The following CYB561A3 variants were observed in gnomAD, a reference collection of about 807,000 sequenced individuals.
CYB561A3 encodes the protein lysosomal membrane ascorbate-dependent ferrireductase CYB561A3.
CYB561A3 carries 16 observed loss-of-function variants against 25.3 expected under a neutral mutation model. The observed-to-expected ratio is 0.63, with a 90% CI of 0.43 to 0.96. The LOEUF is 0.96. CYB561A3 is among the 40% of genes least tolerant of loss of function. The pLI is 0.00. For synonymous variants in CYB561A3, 131 were observed against 129.9 expected, an observed-to-expected ratio of 1.01 and a Z score of -0.06; for missense variants, 219 against 307.5, an observed-to-expected ratio of 0.71 and a Z score of 2.15.
intron 4 of CYB561A3, 183 bp downstream of exon 4, chr11:61,353,601 C>T (rs1857520766): frequency 1.3e-6 from 1 of 757,374 alleles, no homozygotes; most frequent in Non-Finnish European, 2.3e-6. Context: ...ATAAAAGGAA[C>T]AGGGTAAGTT....
rs201650207 is a variant in CYB561A3, at chr11:61,352,982, C to T, written c.548+3G>A. On this transcript the variant is annotated splice_donor_region_variant and intron_variant, in intron 5 of 6. Transcript: ENST00000294072. ...TTAGAGTTGGGGACCCCACTGCACTCACAAACTGAAGAAAAGCTTCTCATT... is the reference window on the plus strand; with the variant it reads ...TTAGAGTTGGGGACCCCACTGCACTTACAAACTGAAGAAAAGCTTCTCATT... 2.4e-5 allele frequency: 39 copies of T among 1,614,116 alleles called. No homozygotes were observed. The East Asian group carries it at 8.2e-4, about 34-fold the overall frequency.
chr11:61,353,759 G>C lies in CYB561A3; in HGVS notation c.393+25C>G, dbSNP rs370615613. 3 of 1,613,326 alleles carry C rather than the reference G, an allele frequency of 1.9e-6. No homozygotes were observed. In the East Asian group the frequency reaches 6.7e-5, roughly 36 times the overall value. ...CAGAGCTCATGGCTCTGGGAACCTC[G>C]AGGAGGAGAACAGAGAGAACCCACC... is the stretch of plus-strand genomic sequence containing the variant. On this transcript the variant is annotated intron_variant, in intron 4 of 6. Coordinates refer to ENST00000294072, the MANE Select transcript of CYB561A3 (RefSeq NM_153611.6).
chr11:61,353,408 A>G, intron 4 of CYB561A3: 1 of 609,298 alleles, frequency 1.6e-6, no homozygotes, highest in Non-Finnish European at 2.9e-6. Flanking sequence ...GTCCTTGCTC[A>G]TAAAACTCTT....
chr11:61,352,914 C>T (rs754045837), intron 5 of CYB561A3, 71 bp downstream of exon 5: 1 of 1,612,136 alleles, frequency 6.2e-7, no homozygotes, highest in East Asian at 2.2e-5. Flanking sequence ...GTCCTGTGAT[C>T]ACAGGGTGTA....
At chr11:61,359,522 T>C (rs1857767481) in intron 1 of CYB561A3, 1 of 152,072 alleles carries the variant, frequency 6.6e-6, no homozygotes, top group South Asian at 2.1e-4. Flanking sequence ...TTTTTTTTTC[T>C]TTGTAAGAGG....
intron 3 of CYB561A3, among the ~76,000 whole-genome samples, chr11:61,354,899 C>A (rs1271399888): frequency 7.3e-6 from 1 of 136,780 alleles, no homozygotes; most frequent in Non-Finnish European, 1.5e-5. Flanking sequence ...GACAGAGTCT[C>A]GTTCTATCAT....
chr11:61,358,099 T>C (rs1565071639), intron 1 of CYB561A3: 1 of 152,220 alleles, frequency 6.6e-6, no homozygotes, highest in South Asian at 2.1e-4. Context: ...AGAAAATGAA[T>C]GTAGCACACT....
rs1857352104 is a variant in CYB561A3, at chr11:61,350,554, C to T, written c.706-132G>A. 27 of 1,162,706 alleles carry T rather than the reference C, an allele frequency of 2.3e-5. No individual in the cohort carries two copies. The South Asian group carries it at 3.2e-4, about 14-fold the overall frequency. 72.0% of individuals were successfully genotyped at this position (1,162,706 alleles called of 1,614,324 possible). ...GCCACCAAATCCCTCAGGGAAGCCC[C>T]AAAGTCCCTGAGCCTGGTACACACC... is the stretch of plus-strand genomic sequence containing the variant. On this transcript the variant is annotated intron_variant, in intron 6 of 6. Coordinates refer to ENST00000294072, the MANE Select transcript of CYB561A3 (RefSeq NM_153611.6).
chr11:61,360,795 T>A (rs915178646), intron 1 of CYB561A3: 4 of 151,662 alleles, frequency 2.6e-5, no homozygotes, highest in Admixed American at 2.6e-4. Flanking sequence ...CTGACCAACA[T>A]GGAGAAACCC....
At chr11:61,357,018 C>A in intron 2 of CYB561A3, 1 of 1,468,922 alleles carries the variant, frequency 6.8e-7, no homozygotes. Context: ...AGGCCCAAGA[C>A]CCAGAGTCCT....
At position 61,349,922 on chromosome 11, in the gene CYB561A3, T is replaced by C. The variant is rs1857319719; in HGVS notation, c.*477A>G. ...CTCACCTCCCTCATGTTTCACACCGTGGACTGCACTTGAGTCCCAGCTCTT... is the reference window on the plus strand; with the variant it reads ...CTCACCTCCCTCATGTTTCACACCGCGGACTGCACTTGAGTCCCAGCTCTT... On this transcript the variant is annotated 3_prime_UTR_variant, in exon 7 of 7. Transcript: ENST00000294072. 1 of 500,786 alleles carries C rather than the reference T, an allele frequency of 2.0e-6. No homozygotes were observed. Among genetic ancestry groups the C allele is most frequent in the South Asian group, 2.1e-5 (1 of 47,186 alleles). 31.0% of individuals were successfully genotyped at this position (500,786 alleles called of 1,614,324 possible). A position where few individuals can be genotyped will look rare whatever the true frequency, so the allele number is the denominator to read the frequency against.
chr11:61,354,159 A>G, intron 3 of CYB561A3, 167 bp from the exon 4 acceptor site: 1 of 704,780 alleles, frequency 1.4e-6, no homozygotes, highest in East Asian at 2.7e-5. Context: ...GATTTGTGGG[A>G]TAACAGCCAT....
rs11501627 is a variant in CYB561A3, at chr11:61,355,477, C to T, written c.184+1053G>A. ...GGTGGATCACCTGAGGTCAGGAGTTCGAGGCCAGCCTGACCAACATGGTGA... is the reference window on the plus strand; with the variant it reads ...GGTGGATCACCTGAGGTCAGGAGTTTGAGGCCAGCCTGACCAACATGGTGA... On this transcript the variant is annotated intron_variant, in intron 3 of 6. Transcript: ENST00000294072. 5.2e-4 allele frequency among the ~76,000 whole-genome samples: 78 copies of T among 151,212 alleles called. 1 individual carries two copies. The highest frequency in any genetic ancestry group is 1.7e-3 in the African/African-American group (69 of 41,244).
intron 3 of CYB561A3, chr11:61,354,477 T>A (rs1385540440): frequency 6.0e-6 from 1 of 165,362 alleles, no homozygotes; most frequent in African/African-American, 2.4e-5. Context: ...CCACAAAAAA[T>A]AAAAATAAAA....
Position 61,353,919 on chromosome 11 carries a change from C to T in CYB561A3, c.258G>A (p.Leu86=). 6.2e-7 allele frequency: 1 copy of T among 1,614,196 alleles called. No homozygotes were observed. The highest frequency in any genetic ancestry group is 8.5e-7 in the Non-Finnish European group (1 of 1,180,038). Residue 86 remains leucine (L), a synonymous_variant, in exon 4 of 7, where the codon CTG becomes CTA. Transcript: ENST00000294072. ...CAGTGAGGACGAAGGCCATCAGGTG[C>T]AGCGCTGCATGGAGGAGTTTCCAGG... ...KLPWKLLHAA[L]HLMAFVLTVV... is the part of the protein sequence containing the mutation.
chr11:61,356,438 C>T, intron 3 of CYB561A3, 92 bp downstream of exon 3: 2 of 1,298,866 alleles, frequency 1.5e-6, no homozygotes, highest in Non-Finnish European at 2.0e-6. Context: ...AGCCCCAAGC[C>T]CAACATTTAC....
chr11:61,354,093 G>A (rs1173171904), intron 3 of CYB561A3, 101 bp from the exon 4 acceptor site: 3 of 1,289,058 alleles, frequency 2.3e-6, no homozygotes, highest in Non-Finnish European at 3.2e-6. Context: ...CCCAGCAAGG[G>A]AACAGGAAAT....
chr11:61,349,643 G>T lies in CYB561A3; in HGVS notation c.*756C>A. 1.4e-6 allele frequency: 1 copy of T among 702,944 alleles called. No homozygotes were observed. The highest frequency in any genetic ancestry group is 2.7e-5 in the East Asian group (1 of 37,296). The allele number at this position is 702,944 out of a possible 1,614,324, so 43.5% of individuals were successfully genotyped here. ...GATCCAGGCCTCAGCTGTAGCAGCAGCTGGAAGAGGTGGAGCCGCACGGTC... is the reference window on the plus strand; with the variant it reads ...GATCCAGGCCTCAGCTGTAGCAGCATCTGGAAGAGGTGGAGCCGCACGGTC... On this transcript the variant is annotated 3_prime_UTR_variant, in exon 7 of 7. Coordinates refer to ENST00000294072, the MANE Select transcript of CYB561A3 (RefSeq NM_153611.6).
Position 61,356,648 on chromosome 11 carries a change from G to A in CYB561A3, c.66C>T (p.Leu22=). 1 of 1,614,222 alleles carries A rather than the reference G, an allele frequency of 6.2e-7. No homozygotes were observed. The highest frequency in any genetic ancestry group is 8.5e-7 in the Non-Finnish European group (1 of 1,180,036). ...LLGSLGSMCI[L]FTIYWMQYWR... ...AGTACTGCATCCAGTAGATAGTGAA[G>A]AGGATGCACATAGAGCCCAGGGACC... Residue 22 remains leucine, a synonymous_variant, in exon 3 of 7, where the codon CTC becomes CTT. Coordinates refer to ENST00000294072, the MANE Select transcript of CYB561A3 (RefSeq NM_153611.6).
Sources: allele counts gnomAD v4.1 joint callset (sites outside exome capture counted in the v4.1 genomes callset), GRCh38; gene constraint gnomAD v4.1.1; transcripts MANE v1.5; gene names NCBI Gene and HGNC (gene_info 2026-07-23, HGNC 2026-07-21).